SNX9: variants seen among roughly 807,000 people sequenced by gnomAD.
The protein encoded by SNX9 is sorting nexin 9.
In SNX9, 44 loss-of-function variants were observed where a neutral mutation model predicts 89.4. The ratio of observed to expected loss-of-function variants is 0.49; its 90% confidence interval spans 0.39 to 0.63. The LOEUF is 0.63. SNX9 is among the 30% of genes least tolerant of loss of function. The pLI, the probability that SNX9 is intolerant of heterozygous loss-of-function variation, is 0.00. For missense variants in SNX9, 578 were observed against 736.1 expected, an observed-to-expected ratio of 0.79 and a Z score of 2.49; for synonymous variants, 236 against 247.8, an observed-to-expected ratio of 0.95 and a Z score of 0.45.
At chr6:157,848,422 A>G (rs1370098731) in intron 1 of SNX9, among the ~76,000 whole-genome samples, 1 of 152,208 alleles carries the variant, frequency 6.6e-6, no homozygotes, top group African/African-American at 2.4e-5. Context: ...AAGACATGAA[A>G]AGGATAAGCG....
At chr6:157,877,270 GA>G (rs940442591) in intron 4 of SNX9, among the ~76,000 whole-genome samples, 46 of 133,908 alleles carry the variant, frequency 3.4e-4, no homozygotes, top group South Asian at 2.6e-3. Context: ...GGTAATAAAA[GA>G]AAAAAAAAGC....
chr6:157,932,756 ATT>A (rs1288001353), intron 13 of SNX9, among the ~76,000 whole-genome samples: 6 of 147,698 alleles, frequency 4.1e-5, no homozygotes, highest in African/African-American at 1.5e-4. Context: ...AGTTGCAACT[ATT>A]TGGGAGGCTG....
At chr6:157,881,830 G>T (rs1443552082) in intron 4 of SNX9, among the ~76,000 whole-genome samples, 2 of 152,210 alleles carry the variant, frequency 1.3e-5, no homozygotes, top group African/African-American at 4.8e-5. Flanking sequence ...GCTAGCAGAA[G>T]TTGGTTCATG....
At chr6:157,938,556 T>C in intron 15 of SNX9, 77 bp from the exon 16 acceptor site, 1 of 929,894 alleles carries the variant, frequency 1.1e-6, no homozygotes, top group African/African-American at 1.6e-5. Context: ...TTATAGAATA[T>C]ATTAGCATTG....
At chr6:157,910,205 G>A (rs565547166) in intron 9 of SNX9, among the ~76,000 whole-genome samples, 180 bp downstream of exon 9, 1 of 152,364 alleles carries the variant, frequency 6.6e-6, no homozygotes, top group African/African-American at 2.4e-5. Context: ...CTATCTGGAA[G>A]TTGCCTAAAC....
rs1783211754 is a variant in SNX9, at chr6:157,906,183, G to A, written c.676G>A (p.Ala226Thr). The A allele has an allele frequency of 6.3e-7, 1 of 1,592,010 alleles. No homozygotes were observed. The highest frequency in any genetic ancestry group is 1.4e-5 in the African/African-American group (1 of 73,232). Residue 226 changes from alanine to threonine, a missense_variant, in exon 7 of 18, where the codon GCA (alanine) becomes ACA (threonine). By Grantham distance (58) the Ala-to-Thr change is moderately conservative (BLOSUM62 0). Coordinates refer to ENST00000392185, the MANE Select transcript of SNX9 (RefSeq NM_016224.5). ...ACAGTATTTGTTGGCCAAACAACTA[G>A]CAAAACCCAAAGAGAAAATTCCCAT... ...TEQYLLAKQL[A>T]KPKEKIPIIV...
chr6:157,840,151 GCTT>G (rs1781668086), intron 1 of SNX9, among the ~76,000 whole-genome samples: 2 of 106,604 alleles, frequency 1.9e-5, no homozygotes, highest in African/African-American at 9.1e-5. Context: ...TCAGGCTGGT[GCTT>G]GGGGTGTCTT....
At chr6:157,870,190 TCACA>T (rs1004247788) in intron 2 of SNX9, among the ~76,000 whole-genome samples, 1 of 151,430 alleles carries the variant, frequency 6.6e-6, no homozygotes, top group African/African-American at 2.4e-5. Context: ...ACTCATGCTC[TCACA>T]CATACACATA....
intron 12 of SNX9, 81 bp from the exon 13 acceptor site, chr6:157,932,114 C>T: frequency 2.5e-6 from 3 of 1,219,094 alleles, no homozygotes; most frequent in East Asian, 2.4e-5. Context: ...TCAAAAGTTA[C>T]TGTAATCACT....
intron 13 of SNX9, among the ~76,000 whole-genome samples, chr6:157,932,665 A>C (rs936281961): frequency 2.6e-5 from 4 of 151,972 alleles, no homozygotes; most frequent in Non-Finnish European, 5.9e-5. Context: ...CAGGAGTTTG[A>C]GACCAGCCTG....
chr6:157,864,319 G>A (rs982758065), intron 1 of SNX9, among the ~76,000 whole-genome samples: 4 of 152,168 alleles, frequency 2.6e-5, no homozygotes, highest in East Asian at 3.9e-4. Context: ...CCCATTTGCC[G>A]CACCTCCCAA....
chr6:157,903,689 T>A (rs1392481911), intron 6 of SNX9, among the ~76,000 whole-genome samples: 1 of 152,240 alleles, frequency 6.6e-6, no homozygotes, highest in Non-Finnish European at 1.5e-5. Flanking sequence ...TTCCAGCTCA[T>A]GCCTGGGGGT....
intron 1 of SNX9, among the ~76,000 whole-genome samples, chr6:157,861,151 AAT>A (rs1194535126): frequency 6.6e-6 from 1 of 152,230 alleles, no homozygotes; most frequent in Non-Finnish European, 1.5e-5. Context: ...TGCTGCTACC[AAT>A]TCTTTTTAGA....
At chr6:157,855,817 A>G (rs1023599895) in intron 1 of SNX9, among the ~76,000 whole-genome samples, 2 of 151,974 alleles carry the variant, frequency 1.3e-5, no homozygotes, top group Admixed American at 6.5e-5. Flanking sequence ...GCTCACTGCA[A>G]CCTCCACCTC....
At chr6:157,871,772 C>T (rs1050871844) in intron 2 of SNX9, among the ~76,000 whole-genome samples, 17 of 141,998 alleles carry the variant, frequency 1.2e-4, no homozygotes, top group Admixed American at 9.0e-4. Context: ...TTCAGTCTTA[C>T]CTTTTTTTTT....
chr6:157,880,461 A>G (rs1314949648), intron 4 of SNX9, among the ~76,000 whole-genome samples: 1 of 152,058 alleles, frequency 6.6e-6, no homozygotes, highest in East Asian at 1.9e-4. Context: ...CCCAATTTCT[A>G]GCTTTTTGTT....
rs16900505 is a variant in SNX9, at chr6:157,908,703, C to T, written c.706-962C>T. On this transcript the variant is annotated intron_variant, in intron 7 of 17. Transcript: ENST00000392185. ...AGGTTTGGGACAGCAGACCTATTGT[C>T]ACCTAGCAGTGCCTAGAAGAAATGA... is the stretch of plus-strand genomic sequence containing the variant. 2.8e-3 allele frequency among the ~76,000 whole-genome samples: 432 copies of T among 152,300 alleles called. 6 individuals carry two copies. The highest frequency in any genetic ancestry group is 0.01 in the African/African-American group (417 of 41,566).
intron 4 of SNX9, among the ~76,000 whole-genome samples, chr6:157,891,669 TGGTGGGA>T (rs1782864530): frequency 2.6e-5 from 4 of 152,246 alleles, no homozygotes; most frequent in Non-Finnish European, 5.9e-5. Context: ...CGTGATTCAC[TGGTGGGA>T]CTGACCATCT....
intron 7 of SNX9, among the ~76,000 whole-genome samples, chr6:157,907,374 C>T (rs1268227275): frequency 2.6e-5 from 4 of 152,176 alleles, no homozygotes; most frequent in East Asian, 3.9e-4. Context: ...CTCTGCCTCC[C>T]GGGTTCAAGC....
Sources: allele counts gnomAD v4.1 joint callset (sites outside exome capture counted in the v4.1 genomes callset), GRCh38; gene constraint gnomAD v4.1.1; transcripts MANE v1.5; gene names NCBI Gene and HGNC (gene_info 2026-07-23, HGNC 2026-07-21).